Variants in PIK3CD observed in about 807,000 individuals in gnomAD.
PIK3CD encodes the protein phosphatidylinositol 4,5-bisphosphate 3-kinase catalytic subunit delta isoform.
A neutral mutation model predicts 122.9 loss-of-function variants in PIK3CD; 20 were observed. That is an observed-to-expected ratio of 0.16 (90% confidence interval 0.11 to 0.24). The LOEUF is 0.24. Among genes scored for constraint, PIK3CD ranks in the 10% least tolerant of loss-of-function variants. The probability of loss-of-function intolerance (pLI) is 1.00; values close to 1 mark genes in which losing one functional copy is unlikely to be tolerated. For missense variants in PIK3CD, 787 were observed against 1,406.3 expected, an observed-to-expected ratio of 0.56 and a Z score of 7.04; for synonymous variants, 596 against 593.4, an observed-to-expected ratio of 1.00 and a Z score of -0.06.
At chr1:9,674,448 G>T (rs1342862729) in intron 1 of PIK3CD, among the ~76,000 whole-genome samples, 2 of 152,144 alleles carry the variant, frequency 1.3e-5, no homozygotes, top group African/African-American at 4.8e-5. Flanking sequence ...GGGAGGCCAA[G>T]GCGGGTAGAT....
intron 23 of PIK3CD, among the ~76,000 whole-genome samples, chr1:9,725,702 C>T (rs1218068573): frequency 6.6e-6 from 1 of 151,680 alleles, no homozygotes; most frequent in South Asian, 2.1e-4. Context: ...CATGGTGAAA[C>T]CCTGTCTCTA....
At chr1:9,653,698 A>T in intron 1 of PIK3CD, 1 of 803,626 alleles carries the variant, frequency 1.2e-6, no homozygotes, top group Non-Finnish European at 1.8e-6. Flanking sequence ...AAACGCAAGG[A>T]GATATAAATA....
chr1:9,665,802 G>A (rs1000488158), intron 1 of PIK3CD, among the ~76,000 whole-genome samples: 2 of 151,856 alleles, frequency 1.3e-5, no homozygotes, highest in African/African-American at 4.8e-5. Context: ...CACCCAGGCT[G>A]GAGTGCAGTG....
chr1:9,641,304 C>T, the PIK3CD span, among the ~76,000 whole-genome samples: 1 of 152,070 alleles, frequency 6.6e-6, no homozygotes, highest in South Asian at 2.1e-4. Context: ...AGGTGCCTGA[C>T]CCCAAACTCT....
chr1:9,670,343 C>T (rs1039801519), intron 1 of PIK3CD, among the ~76,000 whole-genome samples: 4 of 151,914 alleles, frequency 2.6e-5, no homozygotes, highest in Non-Finnish European at 2.9e-5. Flanking sequence ...ATTTGGAAAC[C>T]GGTGATGATG....
At chr1:9,655,768 G>A (rs984577369) in intron 1 of PIK3CD, among the ~76,000 whole-genome samples, 8 of 148,974 alleles carry the variant, frequency 5.4e-5, no homozygotes, top group African/African-American at 2.0e-4. Flanking sequence ...TGTGATCTCG[G>A]CCCACTGCAA....
the PIK3CD span, among the ~76,000 whole-genome samples, chr1:9,632,299 A>G: frequency 1.3e-5 from 2 of 152,186 alleles, no homozygotes; most frequent in Non-Finnish European, 2.9e-5. Flanking sequence ...GGCGTGAGCC[A>G]CCGCACCTGG....
At chr1:9,690,655 G>A (rs892067017) in intron 1 of PIK3CD, among the ~76,000 whole-genome samples, 3 of 152,196 alleles carry the variant, frequency 2.0e-5, no homozygotes, top group Non-Finnish European at 4.4e-5. Flanking sequence ...GATAGAGGCC[G>A]CAGGGAGGAC....
intron 1 of PIK3CD, among the ~76,000 whole-genome samples, chr1:9,683,480 C>G (rs1402983479): frequency 6.6e-6 from 1 of 150,932 alleles, no homozygotes; most frequent in Non-Finnish European, 1.5e-5. Flanking sequence ...ACAAAAAAAA[C>G]GAGCCTTGTG....
intron 1 of PIK3CD, among the ~76,000 whole-genome samples, chr1:9,671,299 G>A (rs766505118): frequency 6.6e-6 from 1 of 152,012 alleles, no homozygotes; most frequent in African/African-American, 2.4e-5. Context: ...GGGTTTCACC[G>A]TGTTGCCCAG....
At chr1:9,653,708 A>G in intron 1 of PIK3CD, 2 of 933,376 alleles carry the variant, frequency 2.1e-6, no homozygotes, top group East Asian at 5.0e-5. Flanking sequence ...AGATATAAAT[A>G]GAGCTTTCTC....
At position 9,723,054 on chromosome 1, in the gene PIK3CD, C is replaced by T; in HGVS notation, c.2427-71C>T. ...TGGCTTTTTGGGGCACCATGAGTTTCTGGGGCTCAAGTGGCCTCAGGGACA... is the reference window on the plus strand; with the variant it reads ...TGGCTTTTTGGGGCACCATGAGTTTTTGGGGCTCAAGTGGCCTCAGGGACA... On this transcript the variant is annotated intron_variant, in intron 19 of 23. Coordinates refer to ENST00000377346, the MANE Select transcript of PIK3CD (RefSeq NM_005026.5). This position sits in a 1 kb window ranked among gnomAD's most constrained non-coding sequence, Gnocchi z 4.9. 1 of 1,498,156 alleles carries T rather than the reference C, an allele frequency of 6.7e-7. No individual in the cohort carries two copies. The allele number at this position is 1,498,156 out of a possible 1,614,324, so 92.8% of individuals were successfully genotyped here. A position where few individuals can be genotyped will look rare whatever the true frequency, so the allele number is the denominator to read the frequency against.
At chr1:9,640,849 A>G in the PIK3CD span, among the ~76,000 whole-genome samples, 2 of 152,042 alleles carry the variant, frequency 1.3e-5, no homozygotes, top group South Asian at 4.2e-4. Flanking sequence ...TCTGCACCCA[A>G]CTTGGGCCTC....
chr1:9,668,481 T>G (rs1415207723), intron 1 of PIK3CD, among the ~76,000 whole-genome samples: 1 of 151,960 alleles, frequency 6.6e-6, no homozygotes, highest in African/African-American at 2.4e-5. Flanking sequence ...TTATTTTTAT[T>G]TTTATTTCAG....
chr1:9,677,767 T>A (rs1645594497), intron 1 of PIK3CD, among the ~76,000 whole-genome samples: 1 of 152,192 alleles, frequency 6.6e-6, no homozygotes. Flanking sequence ...AATGTGTTTA[T>A]TCATGCATAC....
intron 1 of PIK3CD, among the ~76,000 whole-genome samples, chr1:9,675,797 G>A (rs1001223767): frequency 2.7e-5 from 4 of 150,284 alleles, no homozygotes; most frequent in Admixed American, 6.7e-5. Context: ...ACAGGGTCTC[G>A]CTGTGTCACC....
chr1:9,690,140 G>A (rs1646146826), intron 1 of PIK3CD, among the ~76,000 whole-genome samples: 1 of 152,122 alleles, frequency 6.6e-6, no homozygotes, highest in Admixed American at 6.5e-5. Context: ...CCCCTATTCG[G>A]GACGGAGCCT....
chr1:9,663,140 T>A (rs905518432), intron 1 of PIK3CD, among the ~76,000 whole-genome samples: 3 of 152,208 alleles, frequency 2.0e-5, no homozygotes, highest in Non-Finnish European at 2.9e-5. Flanking sequence ...CTGGTTTGGC[T>A]CTGGCGCTCT....
chr1:9,704,577 A>G lies in PIK3CD; in HGVS notation c.-32-5847A>G, dbSNP rs951436527. Among the ~76,000 whole-genome samples the G allele has an allele frequency of 1.3e-5, 2 of 152,182 alleles. No homozygotes were observed. The highest frequency in any genetic ancestry group is 6.5e-5 in the Admixed American group (1 of 15,276). ...GCCCAGGCTGGAGTGCAGTGGCACA[A>G]TCTCAGCTAACTGCAACCTCCACTT... On this transcript the variant is annotated intron_variant, in intron 2 of 23. Coordinates refer to ENST00000377346, the MANE Select transcript of PIK3CD (RefSeq NM_005026.5). The surrounding 1 kb of genome is among the most constrained non-coding windows in gnomAD (Gnocchi z 5.0).
Sources: allele counts gnomAD v4.1 joint callset (sites outside exome capture counted in the v4.1 genomes callset), GRCh38; gene constraint gnomAD v4.1.1; non-coding constraint Gnocchi (gnomAD v3.1); transcripts MANE v1.5; gene names NCBI Gene and HGNC (gene_info 2026-07-23, HGNC 2026-07-21).